FOXN3: variants seen among roughly 807,000 people sequenced by gnomAD.
FOXN3 encodes the protein forkhead box N3.
FOXN3 carries 7 observed loss-of-function variants against 38.4 expected under a neutral mutation model. The observed-to-expected ratio is 0.18, with a 90% CI of 0.10 to 0.34. The LOEUF (loss-of-function observed/expected upper bound fraction) is 0.34, where lower values mean the gene tolerates loss of function less well. Among genes scored for constraint, FOXN3 ranks in the 10% least tolerant of loss-of-function variants. The pLI, the probability that FOXN3 is intolerant of heterozygous loss-of-function variation, is 1.00. For missense variants in FOXN3, 456 were observed against 613.4 expected, an observed-to-expected ratio of 0.74 and a Z score of 2.71; for synonymous variants, 230 against 242.2, an observed-to-expected ratio of 0.95 and a Z score of 0.47.
intron 1 of FOXN3, among the ~76,000 whole-genome samples, chr14:89,472,485 C>T (rs540822040): frequency 1.3e-5 from 2 of 152,008 alleles, no homozygotes; most frequent in Non-Finnish European, 2.9e-5. Flanking sequence ...CTTTGGGAGG[C>T]CAAGGCGGGC....
intron 1 of FOXN3, among the ~76,000 whole-genome samples, chr14:89,527,289 A>G (rs1894452500): frequency 6.6e-6 from 1 of 152,256 alleles, no homozygotes; most frequent in Non-Finnish European, 1.5e-5. Context: ...AAAGGAAAAC[A>G]TAAGAGAAAA....
intron 1 of FOXN3, among the ~76,000 whole-genome samples, chr14:89,569,069 G>A (rs1328425917): frequency 6.6e-6 from 1 of 152,096 alleles, no homozygotes; most frequent in Non-Finnish European, 1.5e-5. Flanking sequence ...GCCGGGCGTG[G>A]TGGCGGGTGC....
intron 4 of FOXN3, among the ~76,000 whole-genome samples, chr14:89,189,153 T>G (rs1180765246): frequency 6.6e-6 from 1 of 152,110 alleles, no homozygotes; most frequent in African/African-American, 2.4e-5. Flanking sequence ...ATAAGAAAGG[T>G]TGGAGTCAAA....
Position 89,322,340 on chromosome 14 carries a change from A to T in FOXN3, c.680+28332T>A, listed in dbSNP as rs1596182521. ...CCCATACAATTAAATGGCTTCATTC[A>T]TCTATCAGTAGATGGTTATGAAGCC... is the stretch of plus-strand genomic sequence containing the variant. On this transcript the variant is annotated intron_variant, in intron 3 of 5. Coordinates refer to ENST00000557258, the MANE Select transcript of FOXN3 (RefSeq NM_005197.4). Among the ~76,000 whole-genome samples the T allele has an allele frequency of 3.3e-5, 5 of 152,330 alleles. No homozygotes were observed. The South Asian group carries it at 1.0e-3, about 32-fold the overall frequency.
intron 4 of FOXN3, among the ~76,000 whole-genome samples, chr14:89,213,217 T>C (rs1293767914): frequency 1.3e-5 from 2 of 152,194 alleles, no homozygotes; most frequent in Non-Finnish European, 2.9e-5. Flanking sequence ...AGTTCAGCTC[T>C]GAATCCTTGC....
chr14:89,401,343 G>A lies in FOXN3; in HGVS notation c.543+10591C>T, dbSNP rs558103873. 8.5e-5 allele frequency among the ~76,000 whole-genome samples: 13 copies of A among 152,310 alleles called. No individual in the cohort carries two copies. The East Asian group carries it at 1.2e-3, about 14-fold the overall frequency. The stretch of plus-strand genomic sequence containing the variant: ...TGTAATCCCAGCTACTCAGGAGGCT[G>A]AGGCAGAAGAATCACTTGAAGCCAG... On this transcript the variant is annotated intron_variant, in intron 2 of 5. Transcript: ENST00000557258.
intron 2 of FOXN3, among the ~76,000 whole-genome samples, chr14:89,397,110 A>T (rs905013430): frequency 6.6e-6 from 1 of 152,196 alleles, no homozygotes; most frequent in Non-Finnish European, 1.5e-5. Context: ...AGCCATAAAC[A>T]TAAATGAGAT....
At chr14:89,590,183 A>G (rs185286786) in intron 1 of FOXN3, among the ~76,000 whole-genome samples, 1 of 152,276 alleles carries the variant, frequency 6.6e-6, no homozygotes, top group East Asian at 1.9e-4. Flanking sequence ...GAGTATTTCA[A>G]TGATTATGGA....
chr14:89,433,531 G>A (rs780470817), intron 1 of FOXN3, among the ~76,000 whole-genome samples: 5 of 151,870 alleles, frequency 3.3e-5, no homozygotes, highest in African/African-American at 7.2e-5. Context: ...TAGGCTGGGT[G>A]CGGTGGCTCA....
At chr14:89,272,785 A>T (rs1052308598) in intron 4 of FOXN3, among the ~76,000 whole-genome samples, 1 of 152,206 alleles carries the variant, frequency 6.6e-6, no homozygotes, top group Non-Finnish European at 1.5e-5. Context: ...TCTGGGAAGC[A>T]TAAGTTGCAG....
At chr14:89,574,365 T>C (rs1344361170) in intron 1 of FOXN3, among the ~76,000 whole-genome samples, 1 of 152,254 alleles carries the variant, frequency 6.6e-6, no homozygotes, top group Admixed American at 6.5e-5. Context: ...TCCATGGTTC[T>C]AACTTCCAGA....
chr14:89,446,356 T>C (rs550522844), intron 1 of FOXN3, among the ~76,000 whole-genome samples: 20 of 151,822 alleles, frequency 1.3e-4, no homozygotes, highest in African/African-American at 4.8e-4. Context: ...GCTCGGCTAA[T>C]TTTTGTGTTT....
intron 1 of FOXN3, among the ~76,000 whole-genome samples, chr14:89,475,609 C>G (rs60111880): frequency 6.6e-6 from 1 of 152,240 alleles, no homozygotes; most frequent in African/African-American, 2.4e-5. Flanking sequence ...GGGCTATGAT[C>G]GCACCACAGC....
At chr14:89,309,967 T>C (rs1261712874) in intron 3 of FOXN3, among the ~76,000 whole-genome samples, 1 of 152,174 alleles carries the variant, frequency 6.6e-6, no homozygotes, top group African/African-American at 2.4e-5. Flanking sequence ...CAGTATGAAC[T>C]CTTCTCTGTG....
At chr14:89,348,452 C>T (rs1456630405) in intron 3 of FOXN3, among the ~76,000 whole-genome samples, 7 of 152,258 alleles carry the variant, frequency 4.6e-5, no homozygotes, top group East Asian at 1.9e-4. Context: ...GGCTTCAGTG[C>T]AATTTCACAC....
chr14:89,430,998 T>C (rs8013113), intron 1 of FOXN3, among the ~76,000 whole-genome samples: 79,190 of 152,064 alleles, frequency 0.52, 22,993 homozygotes, highest in Non-Finnish European at 0.63. Flanking sequence ...CCAAACTCCA[T>C]CTCCATTTAA....
rs990431918 is a variant in FOXN3, at chr14:89,440,232, C to T, written c.-14-27742G>A. ...TACTAAGGCAAGAAAAGGAAAAGAC[C>T]ACCCCTTCTCTGATCTAGGGGTGCT... On this transcript the variant is annotated intron_variant, in intron 1 of 6. Coordinates refer to the FOXN3 transcript ENST00000345097. Among the ~76,000 whole-genome samples the T allele has an allele frequency of 7.2e-5, 11 of 152,238 alleles. No homozygotes were observed. In the South Asian group the frequency reaches 1.9e-3, roughly 26 times the overall value.
At chr14:89,596,296 C>G (rs1896055569) in intron 1 of FOXN3, among the ~76,000 whole-genome samples, 1 of 152,098 alleles carries the variant, frequency 6.6e-6, no homozygotes, top group Admixed American at 6.6e-5. Flanking sequence ...TGCCACCAAG[C>G]CTAGCTCATT....
chr14:89,237,743 G>A (rs906189223), intron 4 of FOXN3, among the ~76,000 whole-genome samples: 3 of 152,196 alleles, frequency 2.0e-5, no homozygotes, highest in African/African-American at 7.2e-5. Context: ...TAAAGTACTA[G>A]AAAGGATTAA....
Sources: gnomAD v4.1 joint callset for allele counts (sites outside exome capture counted in the v4.1 genomes callset) on GRCh38, gnomAD v4.1.1 for gene constraint, MANE v1.5 for transcripts, NCBI Gene and HGNC (gene_info 2026-07-23, HGNC 2026-07-21) for gene names.